Variants in RAB3GAP1 observed in about 807,000 individuals in gnomAD.
RAB3GAP1 encodes rab3 GTPase-activating protein catalytic subunit.
A neutral mutation model predicts 130.7 loss-of-function variants in RAB3GAP1; 86 were observed. The ratio of observed to expected loss-of-function variants is 0.66; its 90% confidence interval spans 0.55 to 0.79. The LOEUF (loss-of-function observed/expected upper bound fraction) is 0.79, where lower values mean the gene tolerates loss of function less well. Among genes scored for constraint, RAB3GAP1 ranks in the 30% least tolerant of loss-of-function variants. The pLI is 0.00. For missense variants in RAB3GAP1, 1,029 were observed against 1,169.4 expected (o/e 0.88, Z 1.75); for synonymous variants, 367 against 401.7 (o/e 0.91, Z 1.03).
At chr2:135,101,319 T>G (rs1186346264) in intron 5 of RAB3GAP1, among the ~76,000 whole-genome samples, 1 of 152,306 alleles carries the variant, frequency 6.6e-6, no homozygotes, top group Non-Finnish European at 1.5e-5. Context: ...ACCTAAACAT[T>G]TATTTAAATT....
chr2:135,106,805 A>G (rs1340985394), intron 5 of RAB3GAP1, among the ~76,000 whole-genome samples: 1 of 151,786 alleles, frequency 6.6e-6, no homozygotes. Flanking sequence ...GCAAGCTGAA[A>G]AAAAAAAGGA....
intron 3 of RAB3GAP1, among the ~76,000 whole-genome samples, chr2:135,079,199 T>C (rs904046802): frequency 1.3e-5 from 2 of 152,252 alleles, no homozygotes; most frequent in Non-Finnish European, 2.9e-5. Context: ...TTGTCCAGGA[T>C]GGTCTTGAAC....
At chr2:135,084,304 C>T (rs1689916149) in intron 3 of RAB3GAP1, among the ~76,000 whole-genome samples, 1 of 152,142 alleles carries the variant, frequency 6.6e-6, no homozygotes, top group African/African-American at 2.4e-5. Flanking sequence ...TGTAAGAGTT[C>T]TTTATATATT....
At position 135,093,628 on chromosome 2, in the gene RAB3GAP1, A is replaced by G. The variant is rs200902906; in HGVS notation, c.297A>G (p.Gln99=). The G allele has an allele frequency of 4.8e-5, 77 of 1,613,336 alleles. No individual in the cohort carries two copies. Among genetic ancestry groups the G allele is most frequent in the Middle Eastern group, 3.3e-4 (2 of 6,060 alleles). ...KDELLEDVVP[Q]SMQDLLGMNN... is the part of the protein sequence containing the mutation. Reference sequence around the variant, plus strand: ...ATGTTTTTGTAGATGTTGTTCCACAATCTATGCAAGATTTGCTGGGTATGA... The same window carrying G: ...ATGTTTTTGTAGATGTTGTTCCACAGTCTATGCAAGATTTGCTGGGTATGA... Residue 99 remains glutamine, a synonymous_variant, in exon 5 of 24, where the codon CAA becomes CAG. Transcript: ENST00000264158.
At chr2:135,109,016 A>G (rs1266548990) in intron 5 of RAB3GAP1, among the ~76,000 whole-genome samples, 1 of 152,130 alleles carries the variant, frequency 6.6e-6, no homozygotes, top group East Asian at 1.9e-4. Context: ...TAGGCTGTCT[A>G]TTCTGTTCCA....
downstream of RAB3GAP1, among the ~76,000 whole-genome samples, chr2:135,173,599 G>A (rs1282025045): frequency 6.6e-6 from 1 of 152,186 alleles, no homozygotes; most frequent in African/African-American, 2.4e-5. Context: ...TGCCTCGAGG[G>A]CAGTCTGGGA....
intron 3 of RAB3GAP1, among the ~76,000 whole-genome samples, chr2:135,074,627 G>A (rs1423098036): frequency 6.6e-6 from 1 of 152,136 alleles, no homozygotes; most frequent in African/African-American, 2.4e-5. Context: ...GTAAGAGAAA[G>A]GTCCCCAAGC....
At chr2:135,080,729 C>T (rs1450236333) in intron 3 of RAB3GAP1, among the ~76,000 whole-genome samples, 1 of 152,148 alleles carries the variant, frequency 6.6e-6, no homozygotes, top group Non-Finnish European at 1.5e-5. Flanking sequence ...GTTGAATGTT[C>T]TCTGGTTGAA....
chr2:135,131,476 C>T (rs1007957181), intron 13 of RAB3GAP1, among the ~76,000 whole-genome samples: 3 of 152,116 alleles, frequency 2.0e-5, no homozygotes, highest in South Asian at 4.1e-4. Context: ...GTAATCCGCC[C>T]GCCTCGGCCT....
At chr2:135,106,547 G>A (rs1690626414) in intron 5 of RAB3GAP1, among the ~76,000 whole-genome samples, 2 of 152,114 alleles carry the variant, frequency 1.3e-5, no homozygotes, top group African/African-American at 2.4e-5. Context: ...ACAGATGCTT[G>A]AAGGCAGCAT....
At position 135,065,748 on chromosome 2, in the gene RAB3GAP1, T is replaced by G. The variant is rs375559660; in HGVS notation, c.150+7662T>G. On this transcript the variant is annotated intron_variant, in intron 3 of 23. Coordinates refer to ENST00000264158, the MANE Select transcript of RAB3GAP1 (RefSeq NM_012233.3). The stretch of plus-strand genomic sequence containing the variant: ...CTATGAAAGGATCTCTTAAAATTTC[T>G]AATACGGGATCTTCACTAATTTTTT... 2.2e-4 allele frequency among the ~76,000 whole-genome samples: 33 copies of G among 151,532 alleles called. No individual in the cohort carries two copies. In the East Asian group the frequency reaches 5.8e-3, roughly 27 times the overall value.
intron 3 of RAB3GAP1, among the ~76,000 whole-genome samples, chr2:135,062,258 A>G (rs1689198147): frequency 6.6e-6 from 1 of 152,182 alleles, no homozygotes; most frequent in African/African-American, 2.4e-5. Flanking sequence ...TAACCTTGGC[A>G]CTATTGACAT....
intron 7 of RAB3GAP1, among the ~76,000 whole-genome samples, chr2:135,117,888 C>G (rs1198798646): frequency 3.3e-5 from 5 of 150,784 alleles, no homozygotes; most frequent in Non-Finnish European, 7.4e-5. Context: ...GAGTCTCACT[C>G]TGTCACCCAG....
At chr2:135,143,556 CTT>C (rs770650929) in intron 17 of RAB3GAP1, among the ~76,000 whole-genome samples, 4 of 135,076 alleles carry the variant, frequency 3.0e-5, no homozygotes, top group East Asian at 2.1e-4. Context: ...TAACATGCTA[CTT>C]TTTTTTTTTT....
In RAB3GAP1 at chr2:135,153,658, C is replaced by A. The variant is rs780252062; in HGVS notation, c.2071C>A (p.Pro691Thr). The part of the protein sequence containing the change: ...SDMESFKAAN[P>T]GCSLEDFVRW... ...TTTTGTCTTATTTTAGGCAGCTAAT[C>A]CAGGTTGCTCCCTGGAAGATTTTGT... Residue 691 changes from proline (P) to threonine (T), a missense_variant, in exon 19 of 24, where the codon CCA becomes ACA. Coordinates refer to ENST00000264158, the MANE Select transcript of RAB3GAP1 (RefSeq NM_012233.3). 1.4e-5 allele frequency: 22 copies of A among 1,613,832 alleles called. No homozygotes were observed. The South Asian group carries it at 2.3e-4, about 17-fold the overall frequency.
rs534377546 is a variant in RAB3GAP1, at chr2:135,093,712, C to T, written c.362+19C>T. On this transcript the variant is annotated intron_variant, in intron 5 of 23. Coordinates refer to ENST00000264158, the MANE Select transcript of RAB3GAP1 (RefSeq NM_012233.3). ...TAAGATGGTAGGTATATCTTTTACT[C>T]AGTATCTTTTAGTATGTGTGTTGCG... 3.2e-6 allele frequency: 5 copies of T among 1,576,116 alleles called. No homozygotes were observed. The highest frequency in any genetic ancestry group is 4.4e-6 in the Non-Finnish European group (5 of 1,145,626).
chr2:135,082,165 A>AATGAATGAATG (rs1558767033), intron 3 of RAB3GAP1, among the ~76,000 whole-genome samples: 10 of 102,694 alleles, frequency 9.7e-5, no homozygotes, highest in African/African-American at 5.0e-4. Flanking sequence ...ATGAATGAAT[A>AATGAATGAATG]AATAAATAAA....
chr2:135,106,765 A>T (rs1247360852), intron 5 of RAB3GAP1, among the ~76,000 whole-genome samples: 1 of 143,936 alleles, frequency 6.9e-6, no homozygotes. Context: ...CTAAAAAAAA[A>T]AATAAAAAAA....
In RAB3GAP1 at chr2:135,124,223, T is replaced by C; in HGVS notation, c.807T>C (p.Phe269=). The C allele has an allele frequency of 6.2e-7, 1 of 1,614,176 alleles. No individual in the cohort carries two copies. The highest frequency in any genetic ancestry group is 8.5e-7 in the Non-Finnish European group (1 of 1,179,990). ...VGGLEFGKLP[F]GACEDPISEL... Reference sequence around the variant, plus strand: ...GCTTGGAGTTTGGCAAGTTACCATTTGGTGCCTGCGAAGATCCTATTAGGT... The same window carrying C: ...GCTTGGAGTTTGGCAAGTTACCATTCGGTGCCTGCGAAGATCCTATTAGGT... The change falls in exon 9 of 24, where the codon TTT becomes TTC. Residue 269 remains phenylalanine (F), a synonymous_variant. Coordinates refer to ENST00000264158, the MANE Select transcript of RAB3GAP1 (RefSeq NM_012233.3).
Sources: gnomAD v4.1 joint callset for allele counts (sites outside exome capture counted in the v4.1 genomes callset) on GRCh38, gnomAD v4.1.1 for gene constraint, MANE v1.5 for transcripts, NCBI Gene and HGNC (gene_info 2026-07-23, HGNC 2026-07-21) for gene names.